The following BAHCC1 variants were observed in gnomAD, a reference collection of about 807,000 sequenced individuals.
The protein encoded by BAHCC1 is BAH domain and coiled-coil containing 1, also known as BAH and coiled-coil domain-containing protein 1.
BAHCC1 carries 43 observed loss-of-function variants against 88.2 expected under a neutral mutation model. The ratio of observed to expected loss-of-function variants is 0.49; its 90% CI spans 0.38 to 0.63. BAHCC1 has a LOEUF of 0.63. BAHCC1 is among the 20% of genes least tolerant of loss of function. BAHCC1 has a pLI of 0.00. For synonymous variants in BAHCC1, 1,510 were observed against 745.5 expected, an observed-to-expected ratio of 2.03 and a Z score of -16.71; for missense variants, 3,023 against 1,654.8, an observed-to-expected ratio of 1.83 and a Z score of -14.34.
Position 81,445,492 on chromosome 17 carries a change from C to T in BAHCC1, c.2974C>T (p.Pro992Ser). 2 of 750,154 alleles carry T rather than the reference C, an allele frequency of 2.7e-6. No homozygotes were observed. The highest frequency in any genetic ancestry group is 2.8e-5 in the South Asian group (2 of 70,252). The allele number at this position is 750,154 out of a possible 1,614,324, so 46.5% of individuals were successfully genotyped here. A position where few individuals can be genotyped will look rare whatever the true frequency, so the allele number is the denominator to read the frequency against. Residue 992 changes from proline (P) to serine (S), a missense_variant, in exon 10 of 28, where the codon CCT becomes TCT. Transcript: ENST00000675386. ...CGCTGCAGGCCCCACCAAGCTGCCA[C>T]CTTGCTGCCATCCGCCCGACCCAAA... ...SPAAGPTKLPPCCHPPDPKPP... is the reference protein window; with the variant it reads ...SPAAGPTKLPSCCHPPDPKPP...
At chr17:81,405,801 C>G (rs1555646779) in intron 2 of BAHCC1, among the ~76,000 whole-genome samples, 1 of 152,240 alleles carries the variant, frequency 6.6e-6, no homozygotes. Flanking sequence ...GGGACCTGTC[C>G]TCTGTCCTCT....
chr17:81,411,270 G>T lies in BAHCC1; in HGVS notation c.178+11353G>T, dbSNP rs1347257142. ...AGTTGAGCAGCTCCCCTTCTCGGCA[G>T]CTCCCAAACCCTGACCCCAGACAGG... On this transcript the variant is annotated intron_variant, in intron 2 of 27. Transcript: ENST00000675386. The surrounding 1 kb of genome is among the most constrained non-coding windows in gnomAD (Gnocchi z 6.2). 1 of 472,734 alleles carries T rather than the reference G, an allele frequency of 2.1e-6. No individual in the cohort carries two copies. Among genetic ancestry groups the T allele is most frequent in the Non-Finnish European group, 4.2e-6 (1 of 237,054 alleles). The allele number at this position is 472,734 out of a possible 1,614,324, so 29.3% of individuals were successfully genotyped here.
intron 2 of BAHCC1, chr17:81,407,065 C>A: frequency 2.3e-6 from 1 of 442,900 alleles, no homozygotes. Flanking sequence ...GATGCGGGGA[C>A]TCTGAGGCTG....
chr17:81,417,314 C>T (rs1480351795), intron 2 of BAHCC1, among the ~76,000 whole-genome samples: 3 of 152,272 alleles, frequency 2.0e-5, no homozygotes, highest in Non-Finnish European at 2.9e-5. Context: ...TGCATTCCCA[C>T]GCCCCTGGCC....
In BAHCC1 at chr17:81,399,759, C is replaced by A; in HGVS notation, c.20C>A (p.Ala7Glu). 1.7e-6 allele frequency: 2 copies of A among 1,188,954 alleles called. No individual in the cohort carries two copies. The highest frequency in any genetic ancestry group is 7.7e-5 in the East Asian group (2 of 25,922). The allele number at this position is 1,188,954 out of a possible 1,614,324, so 73.7% of individuals were successfully genotyped here. ...CCCGGCATGGATGGCCGCGACTTTG[C>A]GCCGCCGCCGCATCTGCTGTCGGAG... is the stretch of plus-strand genomic sequence containing the variant. Reference protein sequence around the residue: MDGRDFAPPPHLLSERG... With the variant: MDGRDFEPPPHLLSERG... Residue 7 changes from alanine (A) to glutamate (E), a missense_variant, in exon 2 of 28, where the codon GCG becomes GAG. Physicochemically the swap from Ala to Glu is moderately radical, Grantham distance 107. Transcript: ENST00000675386. The surrounding 1 kb of genome is among the most constrained non-coding windows in gnomAD (Gnocchi z 4.5).
intron 2 of BAHCC1, among the ~76,000 whole-genome samples, chr17:81,403,325 C>T (rs1555646363): frequency 6.6e-6 from 1 of 152,312 alleles, no homozygotes; most frequent in Admixed American, 6.5e-5. Context: ...CCTCCCGCCC[C>T]TTCTCTTGTC....
At chr17:81,405,574 C>T (rs1266143626) in intron 2 of BAHCC1, among the ~76,000 whole-genome samples, 1 of 152,186 alleles carries the variant, frequency 6.6e-6, no homozygotes, top group Non-Finnish European at 1.5e-5. Context: ...CCTGATCTAG[C>T]TCCAGGGTCT....
rs781969045 is a variant in BAHCC1, at chr17:81,435,489, G to C, written c.359-2881G>C. ...GTCCTGACCACCTCTCTGGCGGTTC[G>C]CTTAGCCCAGGGCTTGCCCTTGTCT... On this transcript the variant is annotated intron_variant, in intron 3 of 27. Coordinates refer to ENST00000675386, the MANE Select transcript of BAHCC1 (RefSeq NM_001377448.1). This position sits in a 1 kb window ranked among gnomAD's most constrained non-coding sequence, Gnocchi z 4.4. 2.1e-6 allele frequency: 1 copy of C among 470,960 alleles called. No individual in the cohort carries two copies. 29.2% of individuals were successfully genotyped at this position (470,960 alleles called of 1,614,324 possible). A position where few individuals can be genotyped will look rare whatever the true frequency, so the allele number is the denominator to read the frequency against.
intron 6 of BAHCC1, 166 bp from the exon 7 acceptor site, chr17:81,444,215 C>G (rs1270181374): frequency 1.6e-6 from 1 of 611,480 alleles, no homozygotes; most frequent in African/African-American, 1.8e-5. Context: ...GCCTCCAGGT[C>G]CCGTTCTCCC....
chr17:81,441,690 AG>A lies in BAHCC1; in HGVS notation c.482-140del, dbSNP rs372374885. 1.5e-4 allele frequency: 62 copies of A among 418,502 alleles called. No individual in the cohort carries two copies. The Middle Eastern group carries it at 3.0e-3, about 20-fold the overall frequency. 25.9% of individuals were successfully genotyped at this position (418,502 alleles called of 1,614,324 possible). On this transcript the variant is annotated intron_variant, in intron 4 of 27. Transcript: ENST00000675386. ...TCTCAAAAAAAAAAAAAAAAAAAAA[AG>A]AGCAAAAACCTTCCCTAGGCTGTAA... is the stretch of plus-strand genomic sequence containing the variant.
chr17:81,405,839 T>G (rs905086929), intron 2 of BAHCC1, among the ~76,000 whole-genome samples: 3 of 152,188 alleles, frequency 2.0e-5, no homozygotes, highest in Non-Finnish European at 4.4e-5. Context: ...AGGCAGCTAC[T>G]GTGATTGTCC....
At chr17:81,407,421 T>C (rs1480105360) in intron 2 of BAHCC1, 6 of 518,438 alleles carry the variant, frequency 1.2e-5, no homozygotes, top group Admixed American at 5.8e-5. Context: ...TGGAGCACAG[T>C]TGAAGCTTTG....
chr17:81,421,991 G>A (rs1440151138), intron 2 of BAHCC1: 7 of 380,670 alleles, frequency 1.8e-5, no homozygotes, highest in East Asian at 9.5e-5. Flanking sequence ...CCGGGGTCTC[G>A]GGTGACTCCG....
intron 16 of BAHCC1, among the ~76,000 whole-genome samples, chr17:81,457,108 C>G (rs2143628552): frequency 6.6e-6 from 1 of 152,226 alleles, no homozygotes; most frequent in East Asian, 1.9e-4. Flanking sequence ...GGGCGGAGGA[C>G]AGCAGAAAAA....
rs1368360569 is a variant in BAHCC1 at position 81,399,373 on chromosome 17, G to T, written c.-206-161G>T. 6.8e-6 allele frequency: 1 copy of T among 146,718 alleles called. No individual in the cohort carries two copies. The highest frequency in any genetic ancestry group is 1.5e-5 in the Non-Finnish European group (1 of 66,184). 9.1% of individuals were successfully genotyped at this position (146,718 alleles called of 1,614,324 possible). On this transcript the variant is annotated intron_variant, in intron 1 of 27. Coordinates refer to ENST00000675386, the MANE Select transcript of BAHCC1 (RefSeq NM_001377448.1). This position sits in a 1 kb window ranked among gnomAD's most constrained non-coding sequence, Gnocchi z 4.5. ...GCTGGGCTGCGCGCGCGTGCGGCGG[G>T]GAGACACCGAGCGCCCCGGCCCCGC...
chr17:81,443,519 G>A lies in BAHCC1; in HGVS notation c.2170G>A (p.Gly724Ser), dbSNP rs535732488. ...AGTGAGCCGGTCTGAGGCAGCCTAC[G>A]GCACCAACACTGCGCGGCAGGGCCG... ...DTVSRSEAAY[G>S]TNTARQGRAA... The change falls in exon 5 of 28, where the codon GGC (glycine) becomes AGC (serine). Residue 724 changes from glycine (G) to serine (S), a missense_variant. Transcript: ENST00000675386. The A allele has an allele frequency of 4.1e-5, 28 of 688,002 alleles. No homozygotes were observed. The highest frequency in any genetic ancestry group is 1.2e-4 in the African/African-American group (7 of 56,974). The allele number at this position is 688,002 out of a possible 1,614,324, so 42.6% of individuals were successfully genotyped here. A position where few individuals can be genotyped will look rare whatever the true frequency, so the allele number is the denominator to read the frequency against.
chr17:81,425,722 T>G, intron 2 of BAHCC1, among the ~76,000 whole-genome samples: 2 of 117,116 alleles, frequency 1.7e-5, no homozygotes, highest in African/African-American at 6.9e-5. Context: ...TAGTGGTGGG[T>G]GATGTGGTTG....
In BAHCC1 at chr17:81,464,292, GTGTA is replaced by G. The variant is rs1274259609; in HGVS notation, c.*479_*482del. The G allele has an allele frequency of 4.4e-6, 1 of 227,610 alleles. No homozygotes were observed. Among genetic ancestry groups the G allele is most frequent in the Admixed American group, 5.1e-5 (1 of 19,442 alleles). The allele number at this position is 227,610 out of a possible 1,614,324, so 14.1% of individuals were successfully genotyped here. A position where few individuals can be genotyped will look rare whatever the true frequency, so the allele number is the denominator to read the frequency against. On this transcript the variant is annotated 3_prime_UTR_variant, in exon 28 of 28. Coordinates refer to ENST00000675386, the MANE Select transcript of BAHCC1 (RefSeq NM_001377448.1). ...TCCGCGTGACAAGGTGTGTGTGAGCGTGTATGTGTGTGCGCGTGTGTGGCGATTT... is the reference window on the plus strand; with the variant it reads ...TCCGCGTGACAAGGTGTGTGTGAGCGTGTGTGTGCGCGTGTGTGGCGATTT...
At chr17:81,429,476 C>T (rs1238208486) in intron 3 of BAHCC1, among the ~76,000 whole-genome samples, 7 of 152,208 alleles carry the variant, frequency 4.6e-5, no homozygotes, top group Non-Finnish European at 7.3e-5. Context: ...AGGCCAGGGC[C>T]GGCGGGCCAG....
Sources: allele counts gnomAD v4.1 joint callset (sites outside exome capture counted in the v4.1 genomes callset), GRCh38; gene constraint gnomAD v4.1.1; non-coding constraint Gnocchi (gnomAD v3.1); transcripts MANE v1.5; gene names NCBI Gene and HGNC (gene_info 2026-07-23, HGNC 2026-07-21).